Variants in NLRP4 observed in about 807,000 individuals in gnomAD.
NLRP4 encodes the protein NLR family pyrin domain containing 4.
A neutral mutation model predicts 84.7 loss-of-function variants in NLRP4; 44 were observed. That is an observed-to-expected ratio of 0.52 (90% confidence interval 0.41 to 0.67). The LOEUF (loss-of-function observed/expected upper bound fraction) is 0.67. NLRP4 is among the 30% of genes least tolerant of loss of function. NLRP4 has a pLI of 0.00. For synonymous variants in NLRP4, 544 were observed against 476.4 expected (o/e 1.14, Z -1.85); for missense variants, 1,260 against 1,219.4 (o/e 1.03, Z -0.50).
chr19:55,839,317 G>T (rs1304975162), intron 1 of NLRP4, among the ~76,000 whole-genome samples: 1 of 151,894 alleles, frequency 6.6e-6, no homozygotes, highest in Non-Finnish European at 1.5e-5. Flanking sequence ...GAGTGTGTGT[G>T]TGTGCTCTTT....
In NLRP4 at chr19:55,858,057, C is replaced by A. The variant is rs1169020502; in HGVS notation, c.664C>A (p.Gln222Lys). Residue 222 changes from glutamine to lysine, a missense_variant, in exon 3 of 10, where the codon CAA becomes AAA. By Grantham distance (53) the Gln-to-Lys change is moderately conservative. Coordinates refer to ENST00000301295, the MANE Select transcript of NLRP4 (RefSeq NM_134444.5). This position sits in a 1 kb window ranked among gnomAD's most constrained non-coding sequence, Gnocchi z 4.2. ...PAAPITEIVS[Q>K]PERLLFVIDS... is the part of the protein sequence containing the mutation. Reference sequence around the variant, plus strand: ...TGCTCCTATAACAGAGATCGTGTCTCAACCGGAGAGACTCTTGTTCGTCAT... The same window carrying A: ...TGCTCCTATAACAGAGATCGTGTCTAAACCGGAGAGACTCTTGTTCGTCAT... 21 of 1,614,128 alleles carry A rather than the reference C, an allele frequency of 1.3e-5. No homozygotes were observed. The highest frequency in any genetic ancestry group is 1.8e-5 in the Non-Finnish European group (21 of 1,180,028).
chr19:55,857,546 G>T, intron 2 of NLRP4, 128 bp from the exon 3 acceptor site: 1 of 729,296 alleles, frequency 1.4e-6, no homozygotes, highest in South Asian at 1.8e-5. Context: ...AGAGGAGACT[G>T]ACCAGGTTTG....
intron 1 of NLRP4, among the ~76,000 whole-genome samples, chr19:55,847,572 A>C (rs1983844811): frequency 6.6e-6 from 1 of 152,222 alleles, no homozygotes; most frequent in Non-Finnish European, 1.5e-5. Flanking sequence ...AATAGTGCAG[A>C]GAGTTCCCAT....
chr19:55,847,462 G>C (rs1028261465), intron 1 of NLRP4, among the ~76,000 whole-genome samples: 1 of 152,106 alleles, frequency 6.6e-6, no homozygotes, highest in Non-Finnish European at 1.5e-5. Flanking sequence ...TTCATAAAAT[G>C]TGTTGATTTT....
chr19:55,858,050 C>A lies in NLRP4; in HGVS notation c.657C>A (p.Ile219=), dbSNP rs754739238. 2 of 1,614,124 alleles carry A rather than the reference C, an allele frequency of 1.2e-6. No individual in the cohort carries two copies. Among genetic ancestry groups the A allele is most frequent in the South Asian group, 2.2e-5 (2 of 91,048 alleles). ...WPDPAAPITE[I]VSQPERLLFV... is the part of the protein sequence containing the mutation. The stretch of plus-strand genomic sequence containing the variant: ...ACCCCGCTGCTCCTATAACAGAGAT[C>A]GTGTCTCAACCGGAGAGACTCTTGT... Residue 219 remains isoleucine (I), a synonymous_variant, in exon 3 of 10, where the codon ATC becomes ATA. Transcript: ENST00000301295. The surrounding 1 kb of genome is among the most constrained non-coding windows in gnomAD (Gnocchi z 4.2).
At chr19:55,877,763 CTG>C (rs372730281) in intron 8 of NLRP4, among the ~76,000 whole-genome samples, 1 of 151,998 alleles carries the variant, frequency 6.6e-6, no homozygotes, top group Non-Finnish European at 1.5e-5. Flanking sequence ...TCTCTTCCCT[CTG>C]TGTGTGTGTG....
intron 6 of NLRP4, among the ~76,000 whole-genome samples, chr19:55,868,995 T>C (rs1723893972): frequency 6.6e-6 from 1 of 151,942 alleles, no homozygotes; most frequent in Admixed American, 6.6e-5. Context: ...AATAACCAAC[T>C]AAATAAAACA....
chr19:55,877,128 G>T lies in NLRP4; in HGVS notation c.2658G>T (p.Arg886=), dbSNP rs267605700. 3 of 1,614,094 alleles carry T rather than the reference G, an allele frequency of 1.9e-6. No homozygotes were observed. The South Asian group carries it at 3.3e-5, about 18-fold the overall frequency. ...IGDVGVQLLC[R]ALTHTDCRLE... ...ATGTGGGTGTGCAGCTGTTGTGTCG[G>T]GCTCTGACGCATACGGATTGCCGCT... Residue 886 remains arginine, a synonymous_variant, in exon 8 of 10, where the codon CGG becomes CGT. Transcript: ENST00000301295.
chr19:55,847,109 A>G (rs1181512421), intron 1 of NLRP4, among the ~76,000 whole-genome samples: 1 of 151,916 alleles, frequency 6.6e-6, no homozygotes, highest in Non-Finnish European at 1.5e-5. Context: ...CTTAGATGCT[A>G]TTAAATTTTT....
rs780718621 is a variant in NLRP4, at chr19:55,858,521, C to T, written c.1128C>T (p.Val376=). 3 of 1,614,184 alleles carry T rather than the reference C, an allele frequency of 1.9e-6. No homozygotes were observed. The highest frequency in any genetic ancestry group is 1.3e-5 in the African/African-American group (1 of 75,038). Residue 376 remains valine, a synonymous_variant, in exon 3 of 10, where the codon GTC becomes GTT. Transcript: ENST00000301295. The surrounding 1 kb of genome is among the most constrained non-coding windows in gnomAD (Gnocchi z 4.2). ...CTACCTCTGTGTACTCCTCTTTCGTCTTTAACCTGTTCACACCTGAGGGTG... is the reference window on the plus strand; with the variant it reads ...CTACCTCTGTGTACTCCTCTTTCGTTTTTAACCTGTTCACACCTGAGGGTG... ...QSTTSVYSSF[V]FNLFTPEGAE...
intron 1 of NLRP4, among the ~76,000 whole-genome samples, chr19:55,843,002 G>A (rs201826574): frequency 6.6e-5 from 10 of 151,078 alleles, no homozygotes; most frequent in South Asian, 2.1e-4. Flanking sequence ...CTCGTGATCC[G>A]CCCACCTCGG....
At chr19:55,862,986 TG>T in intron 5 of NLRP4, among the ~76,000 whole-genome samples, 1 of 152,198 alleles carries the variant, frequency 6.6e-6, no homozygotes, top group Non-Finnish European at 1.5e-5. Context: ...CACCTGGAGG[TG>T]CACATTCGAC....
chr19:55,842,215 G>A (rs1983639908), intron 1 of NLRP4, among the ~76,000 whole-genome samples: 1 of 152,178 alleles, frequency 6.6e-6, no homozygotes, highest in Admixed American at 6.5e-5. Context: ...TAAAGAGCAA[G>A]TATTTGGTTT....
chr19:55,859,834 G>A (rs544744658), intron 3 of NLRP4, among the ~76,000 whole-genome samples: 157 of 146,832 alleles, frequency 1.1e-3, no homozygotes, highest in Non-Finnish European at 1.9e-3. Flanking sequence ...GGCTGAGGCC[G>A]GAGAATCACT....
chr19:55,879,375 A>G (rs1029176481), intron 9 of NLRP4, among the ~76,000 whole-genome samples: 2 of 152,174 alleles, frequency 1.3e-5, no homozygotes, highest in African/African-American at 2.4e-5. Flanking sequence ...GGTGAAATGC[A>G]GAGGGTTTTA....
intron 2 of NLRP4, among the ~76,000 whole-genome samples, chr19:55,855,405 G>C (rs1454523167): frequency 6.6e-6 from 1 of 152,150 alleles, no homozygotes; most frequent in African/African-American, 2.4e-5. Flanking sequence ...GAAATCTCCA[G>C]AACAGCTGAG....
chr19:55,843,435 A>G lies in NLRP4; in HGVS notation c.-66+6501A>G, dbSNP rs1600218565. 2.6e-5 allele frequency among the ~76,000 whole-genome samples: 4 copies of G among 152,222 alleles called. No homozygotes were observed. In the South Asian group the frequency reaches 8.3e-4, roughly 32 times the overall value. ...CAGGCACAGTGGCTCACACACCTGT[A>G]ATCCTAGCAGTTTGGGAGGCAGAGG... On this transcript the variant is annotated intron_variant, in intron 1 of 9. Transcript: ENST00000301295.
chr19:55,861,924 C>A, intron 4 of NLRP4, 68 bp from the exon 5 acceptor site: 1 of 1,039,056 alleles, frequency 9.6e-7, no homozygotes, highest in Middle Eastern at 2.1e-4. Context: ...TGATGAGAGA[C>A]AAACACAGGT....
At position 55,858,212 on chromosome 19, in the gene NLRP4, C is replaced by T. The variant is rs1164768305; in HGVS notation, c.819C>T (p.Ala273=). The change falls in exon 3 of 10, where the codon GCC becomes GCT. Residue 273 remains alanine, a synonymous_variant. Transcript: ENST00000301295. This position sits in a 1 kb window ranked among gnomAD's most constrained non-coding sequence, Gnocchi z 4.2. ...TGAGGAAGAAGATGCTCCCGGAGGC[C>T]TCCCTGCTCATCGCTATCAAACCCG... ...SLLRKKMLPE[A]SLLIAIKPVC... 1.9e-6 allele frequency: 3 copies of T among 1,614,160 alleles called. No homozygotes were observed. Among genetic ancestry groups the T allele is most frequent in the Middle Eastern group, 1.6e-4 (1 of 6,062 alleles).
Sources: allele counts gnomAD v4.1 joint callset (sites outside exome capture counted in the v4.1 genomes callset), GRCh38; gene constraint gnomAD v4.1.1; non-coding constraint Gnocchi (gnomAD v3.1); transcripts MANE v1.5; gene names NCBI Gene and HGNC (gene_info 2026-07-23, HGNC 2026-07-21).